The following SLCO3A1 variants were observed in gnomAD, a reference collection of about 807,000 sequenced individuals.
The protein encoded by SLCO3A1 is PGE1 transporter.
A neutral mutation model predicts 63.1 loss-of-function variants in SLCO3A1; 27 were observed. The ratio of observed to expected loss-of-function variants is 0.43; its 90% CI spans 0.32 to 0.59. SLCO3A1 has a LOEUF of 0.59. SLCO3A1 is among the 20% of genes least tolerant of loss of function. SLCO3A1 has a pLI of 0.09. For missense variants in SLCO3A1, 773 were observed against 945.8 expected, an observed-to-expected ratio of 0.82 and a Z score of 2.40; for synonymous variants, 473 against 409.9, an observed-to-expected ratio of 1.15 and a Z score of -1.86.
intron 2 of SLCO3A1, among the ~76,000 whole-genome samples, chr15:92,002,025 C>T (rs2046261295): frequency 6.6e-6 from 1 of 151,978 alleles, no homozygotes; most frequent in South Asian, 2.1e-4. Flanking sequence ...TCATATTGCT[C>T]TTCTAAGATC....
At chr15:92,013,272 T>G (rs1458823970) in intron 2 of SLCO3A1, among the ~76,000 whole-genome samples, 1 of 152,238 alleles carries the variant, frequency 6.6e-6, no homozygotes, top group Non-Finnish European at 1.5e-5. Flanking sequence ...TGGATTGATA[T>G]TGGTATCTCA....
rs550171490 is a variant in SLCO3A1, at chr15:91,967,687, A to C, written c.646+51229A>C. Among the ~76,000 whole-genome samples, 117 of 152,286 alleles carry C rather than the reference A, an allele frequency of 7.7e-4. No individual in the cohort carries two copies. Among genetic ancestry groups the C allele is most frequent in the South Asian group, 1.7e-3 (8 of 4,828 alleles). On this transcript the variant is annotated intron_variant, in intron 2 of 9. Transcript: ENST00000318445. This position sits in a 1 kb window ranked among gnomAD's most constrained non-coding sequence, Gnocchi z 4.4. ...GTTCTGTTGACTTCCAGACCTTGTT[A>C]TCTCTCCTGTTTTCCTGGATCATAT...
At position 91,856,590 on chromosome 15, in the gene SLCO3A1, T is replaced by G. The variant is rs1429906264; in HGVS notation, c.180+2502T>G. On this transcript the variant is annotated intron_variant, in intron 1 of 9. Transcript: ENST00000318445. This position sits in a 1 kb window ranked among gnomAD's most constrained non-coding sequence, Gnocchi z 4.9. ...AGGCTGTTTGCAGGAAAGGCACATT[T>G]CTTCCTTTTAATTCATCATGGCTTT... 6.6e-6 allele frequency among the ~76,000 whole-genome samples: 1 copy of G among 152,210 alleles called. No homozygotes were observed. The highest frequency in any genetic ancestry group is 2.4e-5 in the African/African-American group (1 of 41,440).
downstream of SLCO3A1, among the ~76,000 whole-genome samples, chr15:92,167,149 A>T (rs2151608245): frequency 6.6e-6 from 1 of 152,372 alleles, no homozygotes; most frequent in Non-Finnish European, 1.5e-5. Flanking sequence ...AGTCTAACAG[A>T]TGGAGAATAC....
chr15:92,030,761 C>T (rs1184536900), intron 2 of SLCO3A1, among the ~76,000 whole-genome samples: 1 of 152,148 alleles, frequency 6.6e-6, no homozygotes, highest in African/African-American at 2.4e-5. Context: ...TAAGCCATGC[C>T]TCACCTGTGC....
chr15:91,965,995 T>C (rs1861854932), intron 2 of SLCO3A1, among the ~76,000 whole-genome samples: 1 of 152,172 alleles, frequency 6.6e-6, no homozygotes, highest in Admixed American at 6.5e-5. Flanking sequence ...CATGCAATTT[T>C]GTTAAGAACT....
chr15:92,079,640 G>C (rs34044069), intron 2 of SLCO3A1, among the ~76,000 whole-genome samples: 15,392 of 152,232 alleles, frequency 0.1, 1,138 homozygotes, highest in East Asian at 0.4. Flanking sequence ...AGGTTCCCGC[G>C]GCCAGGGCTT....
chr15:92,136,455 A>G (rs970842384), intron 7 of SLCO3A1, among the ~76,000 whole-genome samples: 1 of 152,218 alleles, frequency 6.6e-6, no homozygotes, highest in Non-Finnish European at 1.5e-5. Context: ...TCCTTCATCA[A>G]TAGAAAACAA....
At position 92,163,529 on chromosome 15, in the gene SLCO3A1, A is replaced by AAAG. The variant is rs1287837428; in HGVS notation, c.*398_*400dup. The AAAG allele has an allele frequency of 2.0e-6, 2 of 979,442 alleles. No homozygotes were observed. The highest frequency in any genetic ancestry group is 2.4e-6 in the Non-Finnish European group (2 of 829,442). The allele number at this position is 979,442 out of a possible 1,614,324, so 60.7% of individuals were successfully genotyped here. On this transcript the variant is annotated 3_prime_UTR_variant, in exon 10 of 10. Coordinates refer to ENST00000318445, the MANE Select transcript of SLCO3A1 (RefSeq NM_013272.4). ...CATACAAAACAGAAAACATTTTTTA[A>AAAG]AAGAAGTTTCCTAAAATAAAAAAAA... is the stretch of plus-strand genomic sequence containing the variant.
rs1428369646 is a variant in SLCO3A1, at chr15:92,160,759, C to T, written c.1754-1997C>T. 6.6e-5 allele frequency among the ~76,000 whole-genome samples: 10 copies of T among 152,240 alleles called. 1 individual carries two copies. Among genetic ancestry groups the T allele is most frequent in the Admixed American group, 3.3e-4 (5 of 15,292 alleles). On this transcript the variant is annotated intron_variant, in intron 9 of 9. Coordinates refer to ENST00000318445, the MANE Select transcript of SLCO3A1 (RefSeq NM_013272.4). The stretch of plus-strand genomic sequence containing the variant: ...TTAGCACTCATAGGGTAGCAAAGCC[C>T]CGCTCTCACCCGATTCCAGGCATGT...
intron 1 of SLCO3A1, among the ~76,000 whole-genome samples, chr15:91,915,677 AGGTCTGT>A (rs1344805911): frequency 3.3e-5 from 5 of 151,860 alleles, no homozygotes; most frequent in African/African-American, 9.7e-5. Flanking sequence ...TCTGTGGTGG[AGGTCTGT>A]GGGGGTGGGG....
intron 2 of SLCO3A1, among the ~76,000 whole-genome samples, chr15:91,947,229 C>CTGT (rs1174097806): frequency 6.6e-6 from 1 of 152,214 alleles, no homozygotes; most frequent in Non-Finnish European, 1.5e-5. Flanking sequence ...ATCATACGAC[C>CTGT]CCTCCTTGTC....
chr15:91,957,754 T>C (rs1339040443), intron 2 of SLCO3A1, among the ~76,000 whole-genome samples: 1 of 152,222 alleles, frequency 6.6e-6, no homozygotes, highest in African/African-American at 2.4e-5. Flanking sequence ...TTTTTCTCCA[T>C]AGAACTTAGC....
intron 2 of SLCO3A1, among the ~76,000 whole-genome samples, chr15:91,962,072 C>T (rs1900467496): frequency 6.6e-6 from 1 of 152,198 alleles, no homozygotes; most frequent in Non-Finnish European, 1.5e-5. Context: ...GCAGCCATCT[C>T]AGGCTCGCAG....
chr15:92,169,923 T>C (rs2048512344), downstream of SLCO3A1, among the ~76,000 whole-genome samples: 1 of 152,250 alleles, frequency 6.6e-6, no homozygotes, highest in Admixed American at 6.5e-5. Flanking sequence ...TATCCAGACA[T>C]TTCCATTTTT....
At chr15:92,167,430 G>A (rs1049775459), downstream of SLCO3A1, among the ~76,000 whole-genome samples, 1 of 152,136 alleles carries the variant, frequency 6.6e-6, no homozygotes, top group African/African-American at 2.4e-5. Flanking sequence ...AATTTGGCCT[G>A]GAAAATTAGT....
chr15:91,930,964 G>A (rs1007658560), intron 2 of SLCO3A1, among the ~76,000 whole-genome samples: 1 of 152,186 alleles, frequency 6.6e-6, no homozygotes, highest in Non-Finnish European at 1.5e-5. Context: ...GTGTACCAGC[G>A]AGTGTCATGC....
intron 2 of SLCO3A1, among the ~76,000 whole-genome samples, chr15:91,945,335 C>T (rs1416148077): frequency 7.2e-5 from 7 of 97,752 alleles, no homozygotes; most frequent in South Asian, 5.1e-4. Flanking sequence ...GAGTGAGACT[C>T]CATCTCAAAA....
chr15:92,012,263 C>T (rs1319250256), intron 2 of SLCO3A1, among the ~76,000 whole-genome samples: 1 of 152,156 alleles, frequency 6.6e-6, no homozygotes, highest in Non-Finnish European at 1.5e-5. Context: ...GCAGCTTGCA[C>T]GTGAGCAAAC....
Sources: gnomAD v4.1 joint callset for allele counts (sites outside exome capture counted in the v4.1 genomes callset) on GRCh38, gnomAD v4.1.1 for gene constraint, Gnocchi (gnomAD v3.1) non-coding constraint, MANE v1.5 for transcripts, NCBI Gene and HGNC (gene_info 2026-07-23, HGNC 2026-07-21) for gene names.